The following CTSW variants were observed in gnomAD, a reference collection of about 807,000 sequenced individuals.
CTSW encodes lymphopain.
In CTSW, 42 loss-of-function variants were observed where a neutral mutation model predicts 43.8. The observed-to-expected ratio is 0.96, with a 90% CI of 0.75 to 1.24. The LOEUF is 1.24. Among genes scored for constraint, CTSW ranks in the 50% most tolerant of loss-of-function variants. The pLI, the probability that CTSW is intolerant of heterozygous loss-of-function variation, is 0.00. For missense variants in CTSW, 475 were observed against 479.9 expected (o/e 0.99, Z 0.09); for synonymous variants, 191 against 184.8 (o/e 1.03, Z -0.27).
chr11:65,883,016 C>T (rs752373311), intron 7 of CTSW, 53 bp from the exon 8 acceptor site: 99 of 1,612,418 alleles, frequency 6.1e-5, no homozygotes, highest in Non-Finnish European at 7.7e-5. Context: ...AGCGAAGGAG[C>T]GAGAGACCCA....
intron 5 of CTSW, 23 bp from the exon 6 acceptor site, chr11:65,882,586 C>T (rs1357017831): frequency 6.2e-7 from 1 of 1,614,156 alleles, no homozygotes; most frequent in East Asian, 2.2e-5. Context: ...CCTGGTCACC[C>T]ACACTGTCCC....
intron 6 of CTSW, 34 bp downstream of exon 6, chr11:65,882,723 CA>C: frequency 5.0e-6 from 8 of 1,614,192 alleles, no homozygotes; most frequent in Non-Finnish European, 6.8e-6. Flanking sequence ...TGGACATCTG[CA>C]GGGGGACAGG....
rs201964451 is a variant in CTSW, at chr11:65,882,746, C to T, written c.620-33C>T. On this transcript the variant is annotated intron_variant, in intron 6 of 9. Coordinates refer to ENST00000307886, the MANE Select transcript of CTSW (RefSeq NM_001335.4). ...TGCAGGGGGACAGGGTGGGCAGGAG[C>T]GGAACCTCCTCCCTTGTCTTGCTTA... is the stretch of plus-strand genomic sequence containing the variant. 1.6e-3 allele frequency: 2,627 copies of T among 1,614,134 alleles called. 3 individuals carry two copies. Among genetic ancestry groups the T allele is most frequent in the Admixed American group, 1.9e-3 (115 of 60,012 alleles).
In CTSW at chr11:65,882,777, A is replaced by T. The variant is rs1301703249; in HGVS notation, c.620-2A>T. The T allele has an allele frequency of 6.8e-6, 11 of 1,614,188 alleles. No homozygotes were observed. Among genetic ancestry groups the T allele is most frequent in the Non-Finnish European group, 9.3e-6 (11 of 1,180,036 alleles). ...CTCCTCCCTTGTCTTGCTTATCTGC[A>T]GGCGGCCTGGCCAGTGAAAAGGACT... On this transcript the variant is annotated splice_acceptor_variant, in intron 6 of 9. Coordinates refer to ENST00000307886, the MANE Select transcript of CTSW (RefSeq NM_001335.4). LOFTEE classifies it high-confidence loss of function.
At chr11:65,880,145 G>A in intron 1 of CTSW, 57 bp from the exon 2 acceptor site, 1 of 1,534,330 alleles carries the variant, frequency 6.5e-7, no homozygotes, top group East Asian at 2.2e-5. Flanking sequence ...ACTAAGGTGG[G>A]GCCCCAGCAA....
At chr11:65,881,543 G>T in intron 3 of CTSW, 23 bp downstream of exon 3, 1 of 1,532,354 alleles carries the variant, frequency 6.5e-7, no homozygotes, top group South Asian at 1.2e-5. Context: ...CTTCTGGCTC[G>T]TAGGTGGTGG....
In CTSW at chr11:65,883,366, C is replaced by T; in HGVS notation, c.962C>T (p.Pro321Leu). 6.2e-7 allele frequency: 1 copy of T among 1,614,134 alleles called. No homozygotes were observed. Among genetic ancestry groups the T allele is most frequent in the Non-Finnish European group, 8.5e-7 (1 of 1,180,018 alleles). The change falls in exon 9 of 10, where the codon CCA (proline) becomes CTA (leucine). Residue 321 changes from proline to leucine, a missense_variant. Pro to Leu is a moderately conservative substitution (Grantham distance 98). Transcript: ENST00000307886. ...TCATCGCAGTCTCAGCCTCAGCCTCCACACCCCACCCCATACTGGATCCTG... is the reference window on the plus strand; with the variant it reads ...TCATCGCAGTCTCAGCCTCAGCCTCTACACCCCACCCCATACTGGATCCTG... ...TVSSQSQPQPPHPTPYWILKN... is the reference protein window; with the variant it reads ...TVSSQSQPQPLHPTPYWILKN...
rs572833696 is a variant in CTSW at position 65,880,744 on chromosome 11, G to A, written c.172+458G>A. ...CCTGGTTTCCCGAAGGCATGAGTGGGTCCAGGATCATTCTTTGCTATGGAT... is the reference window on the plus strand; with the variant it reads ...CCTGGTTTCCCGAAGGCATGAGTGGATCCAGGATCATTCTTTGCTATGGAT... On this transcript the variant is annotated intron_variant, in intron 2 of 9. Coordinates refer to ENST00000307886, the MANE Select transcript of CTSW (RefSeq NM_001335.4). 54 of 170,816 alleles carry A rather than the reference G, an allele frequency of 3.2e-4. 1 individual carries two copies. The Middle Eastern group carries it at 0.014, about 45-fold the overall frequency. 10.6% of individuals were successfully genotyped at this position (170,816 alleles called of 1,614,324 possible). A position where few individuals can be genotyped will look rare whatever the true frequency, so the allele number is the denominator to read the frequency against.
At chr11:65,882,377 G>A (rs1860119640) in intron 4 of CTSW, 48 bp downstream of exon 4, 2 of 1,613,750 alleles carry the variant, frequency 1.2e-6, no homozygotes, top group Non-Finnish European at 1.7e-6. Flanking sequence ...GTGGTGGGAG[G>A]GAGAGGGGCA....
intron 4 of CTSW, 37 bp from the exon 5 acceptor site, chr11:65,882,393 C>G (rs1238504419): frequency 1.9e-6 from 3 of 1,613,578 alleles, no homozygotes; most frequent in Non-Finnish European, 2.5e-6. Context: ...GGGCACGGCC[C>G]GAACACCTAG....
At chr11:65,882,084 G>A in intron 3 of CTSW, 91 bp from the exon 4 acceptor site, 2 of 1,504,828 alleles carry the variant, frequency 1.3e-6, no homozygotes, top group Non-Finnish European at 1.8e-6. Flanking sequence ...TTGCCCCTCA[G>A]GGAATTATGG....
Position 65,883,399 on chromosome 11 carries a change from C to A in CTSW, c.995C>A (p.Ser332Tyr), listed in dbSNP as rs1255860330. ...HPTPYWILKN[S>Y]WGAQWGEKGY... ...ACCCCATACTGGATCCTGAAGAACT[C>A]CTGGGGGGCCCAATGGGGAGAGAAG... Residue 332 changes from serine to tyrosine, a missense_variant, in exon 9 of 10, where the codon TCC becomes TAC. Ser to Tyr is a moderately radical substitution (Grantham distance 144, BLOSUM62 -2). Coordinates refer to ENST00000307886, the MANE Select transcript of CTSW (RefSeq NM_001335.4). The A allele has an allele frequency of 6.2e-7, 1 of 1,613,968 alleles. No homozygotes were observed. The highest frequency in any genetic ancestry group is 1.3e-5 in the African/African-American group (1 of 74,870).
chr11:65,882,356 A>G, intron 4 of CTSW, 27 bp downstream of exon 4: 1 of 1,613,970 alleles, frequency 6.2e-7, no homozygotes, highest in Non-Finnish European at 8.5e-7. Flanking sequence ...AGCTGGCTCT[A>G]ATTCAGCTAA....
Position 65,883,203 on chromosome 11 carries a change from C to CA in CTSW, c.811-11dup. The CA allele has an allele frequency of 6.2e-7, 1 of 1,613,732 alleles. No individual in the cohort carries two copies. The highest frequency in any genetic ancestry group is 8.5e-7 in the Non-Finnish European group (1 of 1,179,902). On this transcript the variant is annotated splice_polypyrimidine_tract_variant and intron_variant, in intron 8 of 9. Transcript: ENST00000307886. ...GCCCCACACTCAGCCCCTCGGCCCC[C>CA]ACCCCCTGCAGCTATACCGGAAAGG...
Position 65,883,610 on chromosome 11 carries a change from C to T in CTSW, c.1123C>T (p.Pro375Ser). The change falls in exon 10 of 10, where the codon CCT becomes TCT. Residue 375 changes from proline to serine, a missense_variant. By Grantham distance (74) the Pro-to-Ser change is moderately conservative. Coordinates refer to ENST00000307886, the MANE Select transcript of CTSW (RefSeq NM_001335.4). ...KPDMKPRVSC[P>S]P ...GGATATGAAGCCCCGAGTCTCCTGC[C>T]CTCCCTGAACCCACCTGGCCCCCTC... 1 of 1,613,412 alleles carries T rather than the reference C, an allele frequency of 6.2e-7. No homozygotes were observed.
In CTSW at chr11:65,882,333, T is replaced by C. The variant is rs537932185; in HGVS notation, c.441+4T>C. 2 of 1,614,106 alleles carry C rather than the reference T, an allele frequency of 1.2e-6. No homozygotes were observed. Among genetic ancestry groups the C allele is most frequent in the South Asian group, 1.1e-5 (1 of 91,084 alleles). ...CATCTCACCCATCAAGGACCAGGTA[T>C]CTGCCGCTACCCAGCTGGCTCTAAT... is the stretch of plus-strand genomic sequence containing the variant. On this transcript the variant is annotated splice_donor_region_variant and intron_variant, in intron 4 of 9. Coordinates refer to ENST00000307886, the MANE Select transcript of CTSW (RefSeq NM_001335.4).
In CTSW at chr11:65,883,222, G is replaced by T. The variant is rs572206716; in HGVS notation, c.818G>T (p.Arg273Leu). ...GGCCCCCACCCCCTGCAGCTATACC[G>T]GAAAGGTGTGATCAAGGCCACACCC... Reference protein sequence around the residue: ...TINMKPLQLYRKGVIKATPTT... With the variant: ...TINMKPLQLYLKGVIKATPTT... The change falls in exon 9 of 10, where the codon CGG becomes CTG. Residue 273 changes from arginine (R) to leucine (L), a missense_variant. Physicochemically the swap from Arg to Leu is moderately radical, Grantham distance 102. Coordinates refer to ENST00000307886, the MANE Select transcript of CTSW (RefSeq NM_001335.4). 1 of 1,613,334 alleles carries T rather than the reference G, an allele frequency of 6.2e-7. No individual in the cohort carries two copies. Among genetic ancestry groups the T allele is most frequent in the Non-Finnish European group, 8.5e-7 (1 of 1,179,770 alleles).
In CTSW at chr11:65,882,479, C is replaced by A. The variant is rs562491236; in HGVS notation, c.491C>A (p.Thr164Asn). The A allele has an allele frequency of 8.2e-5, 132 of 1,614,204 alleles. No homozygotes were observed. In the Admixed American group the frequency reaches 1.0e-3, roughly 13 times the overall value. The change falls in exon 5 of 10, where the codon ACC becomes AAC. Residue 164 changes from threonine to asparagine, a missense_variant. Transcript: ENST00000307886. The part of the protein sequence containing the change: ...WAMAAAGNIE[T>N]LWRISFWDFV... ...ATGGCAGCGGCAGGCAACATAGAGA[C>A]CCTGTGGCGCATCAGTTTCTGGGAT...
At chr11:65,881,600 C>T in intron 3 of CTSW, 80 bp downstream of exon 3, 4 of 956,608 alleles carry the variant, frequency 4.2e-6, no homozygotes, top group Non-Finnish European at 6.3e-6. Context: ...ACCCAGCGGA[C>T]CTTCAATTTT....
Sources: gnomAD v4.1 joint callset for allele counts on GRCh38, gnomAD v4.1.1 for gene constraint, MANE v1.5 for transcripts, NCBI Gene and HGNC (gene_info 2026-07-23, HGNC 2026-07-21) for gene names.